Variants in DNER observed in about 807,000 individuals in gnomAD.
The protein encoded by DNER is delta/notch like EGF repeat containing.
A neutral mutation model predicts 78.2 loss-of-function variants in DNER; 33 were observed. The observed-to-expected ratio is 0.42, with a 90% CI of 0.32 to 0.56. DNER has a LOEUF of 0.56. Ranked by LOEUF, DNER falls within the 20% of genes least tolerant of loss-of-function variation. The pLI is 0.11. For synonymous variants in DNER, 417 were observed against 384.8 expected, an observed-to-expected ratio of 1.08 and a Z score of -0.98; for missense variants, 918 against 975.3, an observed-to-expected ratio of 0.94 and a Z score of 0.78.
intron 6 of DNER, among the ~76,000 whole-genome samples, chr2:229,478,823 A>G (rs1695091363): frequency 6.6e-6 from 1 of 151,970 alleles, no homozygotes; most frequent in Non-Finnish European, 1.5e-5. Context: ...CTTTTATTTT[A>G]AGTTCCGGGG....
chr2:229,561,587 G>A (rs1157996096), intron 4 of DNER, among the ~76,000 whole-genome samples: 1 of 152,130 alleles, frequency 6.6e-6, no homozygotes, highest in African/African-American at 2.4e-5. Context: ...TTCCTAGACT[G>A]ACATTCTACA....
In DNER at chr2:229,513,035, T is replaced by A. The variant is rs1021606970; in HGVS notation, c.994-99A>T. ...GTTTGAAAGAACCACTTCCTTTTTA[T>A]AATCAGCAATTTAATCAAATCACTT... On this transcript the variant is annotated intron_variant, in intron 5 of 12. Transcript: ENST00000341772. 4.6e-6 allele frequency: 6 copies of A among 1,302,704 alleles called. No homozygotes were observed. The African/African-American group carries it at 7.4e-5, about 16-fold the overall frequency. 80.7% of individuals were successfully genotyped at this position (1,302,704 alleles called of 1,614,324 possible). A position where few individuals can be genotyped will look rare whatever the true frequency, so the allele number is the denominator to read the frequency against.
rs147670807 is a variant in DNER, at chr2:229,367,194, C to T, written c.1856-75G>A. 2.5e-6 allele frequency: 4 copies of T among 1,577,198 alleles called. No homozygotes were observed. In the East Asian group the frequency reaches 6.7e-5, roughly 27 times the overall value. ...AATGAGAAGGCCTTTTTCATCTTTG[C>T]ATAGATAACTTAAAACCTAAGGGCC... On this transcript the variant is annotated intron_variant, in intron 11 of 12. Coordinates refer to ENST00000341772, the MANE Select transcript of DNER (RefSeq NM_139072.4).
chr2:229,507,994 A>G (rs1352292102), intron 6 of DNER, among the ~76,000 whole-genome samples: 4 of 152,232 alleles, frequency 2.6e-5, no homozygotes, highest in Admixed American at 2.6e-4. Context: ...ATTAGTATCA[A>G]AAATAAAGAA....
chr2:229,385,667 A>G (rs1027787209), intron 11 of DNER, among the ~76,000 whole-genome samples: 1 of 152,208 alleles, frequency 6.6e-6, no homozygotes, highest in Non-Finnish European at 1.5e-5. Flanking sequence ...AAGCTTTCCT[A>G]TAAATCAATA....
At chr2:229,499,327 C>T (rs1695564200) in intron 6 of DNER, among the ~76,000 whole-genome samples, 1 of 151,594 alleles carries the variant, frequency 6.6e-6, no homozygotes, top group Non-Finnish European at 1.5e-5. Context: ...TGCCTGTAGT[C>T]CCAGCTACTC....
At chr2:229,597,520 A>G (rs1697744375) in intron 1 of DNER, among the ~76,000 whole-genome samples, 1 of 152,220 alleles carries the variant, frequency 6.6e-6, no homozygotes, top group Non-Finnish European at 1.5e-5. Flanking sequence ...GTAATAACCA[A>G]ACTGCCAAAA....
intron 6 of DNER, among the ~76,000 whole-genome samples, chr2:229,480,600 G>A (rs928524365): frequency 6.6e-6 from 1 of 152,302 alleles, no homozygotes; most frequent in Admixed American, 6.5e-5. Context: ...AGTTCGGTAA[G>A]ATTTCAATCA....
chr2:229,683,454 A>C (rs75944616), intron 1 of DNER, among the ~76,000 whole-genome samples: 3,447 of 152,324 alleles, frequency 0.023, 69 homozygotes, highest in Non-Finnish European at 0.031. Context: ...CACAGTAAAG[A>C]AGTCCACATT....
At chr2:229,706,237 C>T (rs1699824217) in intron 1 of DNER, among the ~76,000 whole-genome samples, 1 of 152,110 alleles carries the variant, frequency 6.6e-6, no homozygotes, top group African/African-American at 2.4e-5. Flanking sequence ...CAACTTCTTC[C>T]TTTATCAAGG....
At chr2:229,405,030 T>C (rs2106342963) in intron 10 of DNER, among the ~76,000 whole-genome samples, 1 of 152,266 alleles carries the variant, frequency 6.6e-6, no homozygotes, top group Middle Eastern at 3.4e-3. Flanking sequence ...AGATAAACTG[T>C]TATATACTTA....
intron 8 of DNER, among the ~76,000 whole-genome samples, chr2:229,432,940 T>G (rs1049339274): frequency 1.3e-5 from 2 of 152,106 alleles, no homozygotes; most frequent in Non-Finnish European, 2.9e-5. Flanking sequence ...TTGTTGTTGT[T>G]GTTGTTGTTG....
chr2:229,501,333 TAA>T (rs1008239500), intron 6 of DNER, among the ~76,000 whole-genome samples: 4 of 143,190 alleles, frequency 2.8e-5, no homozygotes. Flanking sequence ...TATGTTAGGT[TAA>T]AAAAAAAAAG....
chr2:229,495,087 G>A lies in DNER; in HGVS notation c.1147+17696C>T, dbSNP rs181404540. 4.4e-4 allele frequency among the ~76,000 whole-genome samples: 67 copies of A among 152,250 alleles called. No individual in the cohort carries two copies. In the East Asian group the frequency reaches 0.012, roughly 28 times the overall value. On this transcript the variant is annotated intron_variant, in intron 6 of 12. Transcript: ENST00000341772. ...AGAATTTTCCAAATCTTCAAGTTCTGATCCGTTTTAGCTTAACAATTTCCT... is the reference window on the plus strand; with the variant it reads ...AGAATTTTCCAAATCTTCAAGTTCTAATCCGTTTTAGCTTAACAATTTCCT...
rs183146134 is a variant in DNER at position 229,554,071 on chromosome 2, C to G, written c.848-6979G>C. On this transcript the variant is annotated intron_variant, in intron 4 of 12. Transcript: ENST00000341772. ...GGAATTTATCTTCAAAACTAAGATG[C>G]CTTTCAAAATACAACTTTTTATAAT... is the stretch of plus-strand genomic sequence containing the variant. 2.7e-3 allele frequency among the ~76,000 whole-genome samples: 406 copies of G among 152,236 alleles called. 6 individuals carry two copies. The highest frequency in any genetic ancestry group is 3.4e-3 in the Middle Eastern group (1 of 294).
chr2:229,487,931 C>T (rs1695312160), intron 6 of DNER, among the ~76,000 whole-genome samples: 1 of 152,194 alleles, frequency 6.6e-6, no homozygotes, highest in Admixed American at 6.5e-5. Flanking sequence ...GCTAGGGCCC[C>T]CAATCCACAA....
At chr2:229,360,047 G>A (rs559090959) in intron 12 of DNER, among the ~76,000 whole-genome samples, 63 of 152,346 alleles carry the variant, frequency 4.1e-4, no homozygotes, top group East Asian at 3.1e-3. Context: ...GCTCTAGCCT[G>A]CAGTTTGTTC....
chr2:229,428,159 G>A (rs966971116), intron 8 of DNER, among the ~76,000 whole-genome samples: 4 of 151,744 alleles, frequency 2.6e-5, no homozygotes, highest in African/African-American at 7.3e-5. Context: ...CATGTGGGTG[G>A]TGGGGGGATA....
intron 12 of DNER, among the ~76,000 whole-genome samples, 161 bp downstream of exon 12, chr2:229,366,712 A>T (rs1692355235): frequency 6.6e-6 from 1 of 152,244 alleles, no homozygotes; most frequent in Non-Finnish European, 1.5e-5. Flanking sequence ...GAGTTTGCTT[A>T]TCAAGTGGTC....
Sources: allele counts gnomAD v4.1 joint callset (sites outside exome capture counted in the v4.1 genomes callset), GRCh38; gene constraint gnomAD v4.1.1; transcripts MANE v1.5; gene names NCBI Gene and HGNC (gene_info 2026-07-23, HGNC 2026-07-21).